The following MTFR1 variants were observed in gnomAD, a reference collection of about 807,000 sequenced individuals.
The protein encoded by MTFR1 is mitochondrial fission regulator 1, also known as chondrocyte protein with a poly-proline region.
In MTFR1, 28 loss-of-function variants were observed where a neutral mutation model predicts 38.8. The observed-to-expected ratio is 0.72, with a 90% confidence interval of 0.53 to 0.99. MTFR1 has a LOEUF of 0.99. Among genes scored for constraint, MTFR1 ranks in the 50% least tolerant of loss-of-function variants. The pLI is 0.00. For missense variants in MTFR1, 358 were observed against 395.5 expected, an observed-to-expected ratio of 0.91 and a Z score of 0.81; for synonymous variants, 145 against 137.0, an observed-to-expected ratio of 1.06 and a Z score of -0.41.
chr8:65,732,999 G>A lies in MTFR1; in HGVS notation c.*48+13518G>A, dbSNP rs551981002. Reference sequence around the variant, plus strand: ...TGCAGAACTACAGGCATGAGTCACCGTGCCCAGTCCTGGGTGACTCCATTT... The same window carrying A: ...TGCAGAACTACAGGCATGAGTCACCATGCCCAGTCCTGGGTGACTCCATTT... On this transcript the variant is annotated intron_variant, in intron 3 of 3. Coordinates refer to the MTFR1 transcript ENST00000521247. Among the ~76,000 whole-genome samples the A allele has an allele frequency of 2.6e-4, 39 of 152,224 alleles. 1 individual carries two copies. The highest frequency in any genetic ancestry group is 2.1e-3 in the Admixed American group (32 of 15,294).
chr8:65,696,051 G>A (rs2129056829), intron 4 of MTFR1, among the ~76,000 whole-genome samples: 1 of 152,274 alleles, frequency 6.6e-6, no homozygotes, highest in African/African-American at 2.4e-5. Flanking sequence ...TTATTGAAGA[G>A]GAGTAGTGAT....
At chr8:65,665,484 C>G (rs2129050134) in intron 1 of MTFR1, among the ~76,000 whole-genome samples, 1 of 152,304 alleles carries the variant, frequency 6.6e-6, no homozygotes, top group South Asian at 2.1e-4. Context: ...GCTTAGCACT[C>G]TACCACATAG....
At chr8:65,714,287 T>G (rs1806044811), downstream of MTFR1, 1 of 151,382 alleles carries the variant, frequency 6.6e-6, no homozygotes, top group African/African-American at 2.4e-5. Context: ...CAATATAATC[T>G]CTTAGTAATA....
chr8:65,671,565 T>C (rs1804569839), intron 2 of MTFR1, among the ~76,000 whole-genome samples: 1 of 150,548 alleles, frequency 6.6e-6, no homozygotes, highest in African/African-American at 2.4e-5. Flanking sequence ...AAAAAAGAAC[T>C]TCACTTAGCT....
intron 3 of MTFR1, among the ~76,000 whole-genome samples, chr8:65,725,910 T>C: frequency 6.6e-6 from 1 of 152,196 alleles, no homozygotes; most frequent in East Asian, 1.9e-4. Context: ...GCAATTTTCG[T>C]ATTTGTACTA....
At chr8:65,714,139 C>T (rs7822627), downstream of MTFR1, among the ~76,000 whole-genome samples, 2 of 150,500 alleles carry the variant, frequency 1.3e-5, no homozygotes, top group African/African-American at 4.9e-5. Context: ...TATTCTGTCA[C>T]CCAGACATGT....
At chr8:65,770,821 C>T (rs959326326) in intron 3 of MTFR1, 1 of 157,718 alleles carries the variant, frequency 6.3e-6, no homozygotes, top group African/African-American at 2.4e-5. Context: ...AGCTCCTTAG[C>T]TGATTGCCTA....
chr8:65,688,060 G>A (rs1281441849), intron 3 of MTFR1, among the ~76,000 whole-genome samples: 4 of 143,230 alleles, frequency 2.8e-5, no homozygotes, highest in South Asian at 2.3e-4. Flanking sequence ...ATACTGTGCC[G>A]TTGCACTCCA....
At chr8:65,768,195 A>G (rs1197496041) in intron 3 of MTFR1, among the ~76,000 whole-genome samples, 7 of 152,220 alleles carry the variant, frequency 4.6e-5, no homozygotes, top group African/African-American at 1.7e-4. Context: ...TTTTTCCTAC[A>G]CAGTGAGCAT....
At chr8:65,722,303 C>T (rs1349859782) in intron 3 of MTFR1, 2 of 152,268 alleles carry the variant, frequency 1.3e-5, no homozygotes, top group Non-Finnish European at 2.9e-5. Context: ...CTCTTCCCTT[C>T]TCTACCTGTC....
chr8:65,690,117 A>G (rs1173465934), intron 3 of MTFR1, among the ~76,000 whole-genome samples: 2 of 152,078 alleles, frequency 1.3e-5, no homozygotes, highest in Non-Finnish European at 2.9e-5. Flanking sequence ...TTAACATATT[A>G]ATTTTATGGA....
chr8:65,707,759 G>A, intron 6 of MTFR1, 84 bp from the exon 7 acceptor site: 1 of 1,526,808 alleles, frequency 6.5e-7, no homozygotes, highest in Non-Finnish European at 8.8e-7. Flanking sequence ...GAGAGGTGCT[G>A]TCAGGCAAAA....
intron 3 of MTFR1, among the ~76,000 whole-genome samples, chr8:65,766,665 T>G (rs1239132127): frequency 1.3e-5 from 2 of 152,218 alleles, no homozygotes; most frequent in Non-Finnish European, 2.9e-5. Context: ...CCCTCTCTCC[T>G]CTTCCTCCAT....
intron 3 of MTFR1, among the ~76,000 whole-genome samples, chr8:65,752,402 A>G (rs1808010509): frequency 6.6e-6 from 1 of 152,198 alleles, no homozygotes; most frequent in Non-Finnish European, 1.5e-5. Flanking sequence ...ATATTATTGA[A>G]TGTTCAAATT....
At chr8:65,697,499 G>A (rs972483042) in intron 4 of MTFR1, among the ~76,000 whole-genome samples, 2 of 152,218 alleles carry the variant, frequency 1.3e-5, no homozygotes, top group East Asian at 1.9e-4. Context: ...TGGTATGGAT[G>A]TATTACAGTT....
At position 65,721,159 on chromosome 8, in the gene MTFR1, T is replaced by A. The variant is rs144368102; in HGVS notation, c.*48+1678T>A. On this transcript the variant is annotated intron_variant, in intron 3 of 3. Coordinates refer to the MTFR1 transcript ENST00000521247. The stretch of plus-strand genomic sequence containing the variant: ...TGTTAATTAGTACCTCGAACACAGC[T>A]GTTCAACCATTTGTGACTCCATTTA... 3.1e-3 allele frequency among the ~76,000 whole-genome samples: 468 copies of A among 152,350 alleles called. 2 individuals are homozygous for A. The highest frequency in any genetic ancestry group is 0.011 in the African/African-American group (451 of 41,580).
chr8:65,693,588 A>G (rs1281311918), intron 3 of MTFR1, 56 bp from the exon 4 acceptor site: 1 of 1,501,282 alleles, frequency 6.7e-7, no homozygotes, highest in African/African-American at 1.4e-5. Flanking sequence ...AGTAAAAAAA[A>G]TTTAACATTT....
chr8:65,682,035 C>G (rs1245639958), intron 2 of MTFR1: 4 of 158,838 alleles, frequency 2.5e-5, no homozygotes, highest in African/African-American at 9.6e-5. Flanking sequence ...AATAGTGTTT[C>G]TGTTGCAGAA....
intron 7 of MTFR1, 103 bp from the exon 8 acceptor site, chr8:65,708,873 T>C: frequency 8.7e-7 from 1 of 1,146,942 alleles, no homozygotes; most frequent in Non-Finnish European, 1.3e-6. Context: ...TGGTTTTTCA[T>C]GCAGAACATA....
Sources: allele counts gnomAD v4.1 joint callset (sites outside exome capture counted in the v4.1 genomes callset), GRCh38; gene constraint gnomAD v4.1.1; transcripts MANE v1.5; gene names NCBI Gene and HGNC (gene_info 2026-07-23, HGNC 2026-07-21).